Variants in FBXO36 observed in about 807,000 individuals in gnomAD.
The protein encoded by FBXO36 is F-box only protein 36.
In FBXO36, 18 loss-of-function variants were observed where a neutral mutation model predicts 17.0. The ratio of observed to expected loss-of-function variants is 1.06; its 90% CI spans 0.73 to 1.57. The LOEUF is 1.57. Among genes scored for constraint, FBXO36 ranks in the 40% most tolerant of loss-of-function variants. The probability of loss-of-function intolerance (pLI) is 0.00; values close to 1 mark genes in which losing one functional copy is unlikely to be tolerated. For missense variants in FBXO36, 229 were observed against 221.9 expected, an observed-to-expected ratio of 1.03 and a Z score of -0.20; for synonymous variants, 83 against 85.3, an observed-to-expected ratio of 0.97 and a Z score of 0.15.
At chr2:229,938,727 T>C (rs1400868008) in intron 1 of FBXO36, among the ~76,000 whole-genome samples, 1 of 141,154 alleles carries the variant, frequency 7.1e-6, no homozygotes, top group Non-Finnish European at 1.5e-5. Flanking sequence ...CCCGGCCGGA[T>C]GCATTAGTTT....
chr2:229,955,531 AG>A (rs1199583098), intron 1 of FBXO36, among the ~76,000 whole-genome samples: 3 of 150,844 alleles, frequency 2.0e-5, no homozygotes, highest in African/African-American at 7.3e-5. Context: ...AAAAAAAAAG[AG>A]AGAGAAATAT....
intron 1 of FBXO36, among the ~76,000 whole-genome samples, chr2:229,956,735 G>C (rs1040535262): frequency 6.6e-6 from 1 of 152,130 alleles, no homozygotes; most frequent in Non-Finnish European, 1.5e-5. Flanking sequence ...TTCAGAGAAT[G>C]CCTCTCACTG....
At chr2:230,010,210 G>A (rs910167773) in intron 3 of FBXO36, among the ~76,000 whole-genome samples, 4 of 152,150 alleles carry the variant, frequency 2.6e-5, no homozygotes, top group African/African-American at 9.7e-5. Context: ...GCAGTAAGCC[G>A]AGATTGCGCC....
chr2:230,007,014 C>G (rs2106218496), intron 3 of FBXO36, among the ~76,000 whole-genome samples: 1 of 152,344 alleles, frequency 6.6e-6, no homozygotes, highest in Non-Finnish European at 1.5e-5. Context: ...TGACCAAGGC[C>G]TGGAGCCTGC....
At chr2:229,938,068 T>C (rs1009216164) in intron 1 of FBXO36, among the ~76,000 whole-genome samples, 1 of 150,126 alleles carries the variant, frequency 6.7e-6, no homozygotes, top group Non-Finnish European at 1.5e-5. Flanking sequence ...CCTGGGTTCA[T>C]GTGATTCTCC....
intron 1 of FBXO36, among the ~76,000 whole-genome samples, chr2:229,951,312 C>T (rs1480808980): frequency 1.4e-5 from 2 of 142,508 alleles, no homozygotes; most frequent in African/African-American, 5.2e-5. Flanking sequence ...GGCGTGATCT[C>T]GGCTCACTAC....
At chr2:230,005,346 C>G (rs1341496012) in intron 3 of FBXO36, among the ~76,000 whole-genome samples, 1 of 152,152 alleles carries the variant, frequency 6.6e-6, no homozygotes, top group East Asian at 1.9e-4. Flanking sequence ...AGCAGTCCTC[C>G]TGCCTCGGCC....
intron 1 of FBXO36, among the ~76,000 whole-genome samples, chr2:229,955,289 T>G (rs1329251653): frequency 2.0e-5 from 3 of 152,076 alleles, no homozygotes; most frequent in Non-Finnish European, 4.4e-5. Context: ...ATACCTGTAA[T>G]CCCAGCACTT....
chr2:229,965,491 A>G (rs554097510), intron 1 of FBXO36, among the ~76,000 whole-genome samples: 3 of 151,456 alleles, frequency 2.0e-5, no homozygotes, highest in Non-Finnish European at 2.9e-5. Context: ...CATCATTTAC[A>G]TTAGGTATAT....
At chr2:229,943,570 AT>A (rs1319374625) in intron 1 of FBXO36, among the ~76,000 whole-genome samples, 1 of 152,008 alleles carries the variant, frequency 6.6e-6, no homozygotes, top group Non-Finnish European at 1.5e-5. Context: ...AAAAAAAAAA[AT>A]CAAACCAAAA....
intron 2 of FBXO36, among the ~76,000 whole-genome samples, chr2:229,982,108 C>T (rs2077243561): frequency 6.6e-6 from 1 of 151,856 alleles, no homozygotes. Flanking sequence ...ACTGCAACTT[C>T]CACCTCCCAG....
At chr2:229,944,298 G>C (rs1340924396) in intron 1 of FBXO36, among the ~76,000 whole-genome samples, 1 of 152,194 alleles carries the variant, frequency 6.6e-6, no homozygotes, top group African/African-American at 2.4e-5. Context: ...AATAAAGCTA[G>C]CAAACAAAGG....
intron 2 of FBXO36, among the ~76,000 whole-genome samples, chr2:229,992,360 G>A (rs1225729414): frequency 1.3e-5 from 2 of 152,036 alleles, no homozygotes; most frequent in Non-Finnish European, 2.9e-5. Flanking sequence ...GTTTCACCAT[G>A]TTGACCGGGC....
chr2:229,932,940 G>C, intron 1 of FBXO36: 1 of 251,488 alleles, frequency 4.0e-6, no homozygotes. Flanking sequence ...GGTGATGCAC[G>C]CCTGTAATCC....
chr2:229,966,383 A>G (rs1416932325), intron 1 of FBXO36, among the ~76,000 whole-genome samples: 1 of 152,146 alleles, frequency 6.6e-6, no homozygotes, highest in African/African-American at 2.4e-5. Context: ...CTTTAGTTTA[A>G]TTAGATCCCA....
In FBXO36 at chr2:229,999,844, C is replaced by T. The variant is rs973534399; in HGVS notation, c.378+2921C>T. On this transcript the variant is annotated intron_variant, in intron 3 of 3. Coordinates refer to ENST00000283946, the MANE Select transcript of FBXO36 (RefSeq NM_174899.5). ...CAATACCCAATAGTTATGTTTTCTG[C>T]TCCTCCTCTTCCTCCCACCCTCCAC... 8.9e-4 allele frequency among the ~76,000 whole-genome samples: 135 copies of T among 152,088 alleles called. 1 individual carries two copies. The highest frequency in any genetic ancestry group is 3.1e-3 in the African/African-American group (128 of 41,490).
chr2:229,944,521 A>AAT (rs2077016036), intron 1 of FBXO36, among the ~76,000 whole-genome samples: 1 of 151,866 alleles, frequency 6.6e-6, no homozygotes, highest in Non-Finnish European at 1.5e-5. Context: ...AGACTTTGTT[A>AAT]TTACTTTAAA....
At chr2:229,987,613 T>A (rs767130399) in intron 2 of FBXO36, among the ~76,000 whole-genome samples, 1 of 152,116 alleles carries the variant, frequency 6.6e-6, no homozygotes, top group Non-Finnish European at 1.5e-5. Flanking sequence ...TATAAATCAT[T>A]ATTTATTTAT....
chr2:230,002,514 G>C (rs980947938), intron 3 of FBXO36, among the ~76,000 whole-genome samples: 1 of 152,036 alleles, frequency 6.6e-6, no homozygotes, highest in Non-Finnish European at 1.5e-5. Context: ...CTCCTGGGTA[G>C]CTGGGACTAC....
Sources: allele counts gnomAD v4.1 joint callset (sites outside exome capture counted in the v4.1 genomes callset), GRCh38; gene constraint gnomAD v4.1.1; transcripts MANE v1.5; gene names NCBI Gene and HGNC (gene_info 2026-07-23, HGNC 2026-07-21).